The following ADGRB3 variants were observed in gnomAD, a reference collection of about 807,000 sequenced individuals.
The protein encoded by ADGRB3 is adhesion G protein-coupled receptor B3, also known as brain-specific angiogenesis inhibitor 3.
Under a neutral mutation model 193.4 loss-of-function variants are expected in ADGRB3, and 37 were observed. The observed-to-expected ratio is 0.19, with a 90% CI of 0.15 to 0.25. The LOEUF (loss-of-function observed/expected upper bound fraction) is 0.25, where lower values mean the gene tolerates loss of function less well. Among genes scored for constraint, ADGRB3 ranks in the 10% least tolerant of loss-of-function variants. The pLI is 1.00. For synonymous variants in ADGRB3, 690 were observed against 644.2 expected (o/e 1.07, Z -1.08); for missense variants, 1,637 against 1,852.9 (o/e 0.88, Z 2.14).
chr6:69,266,899 A>G (rs187152675), intron 20 of ADGRB3, among the ~76,000 whole-genome samples: 16 of 152,210 alleles, frequency 1.1e-4, no homozygotes, highest in Non-Finnish European at 1.9e-4. Flanking sequence ...ATCCTTGGCT[A>G]CAAAGATCAA....
At chr6:69,183,453 A>C (rs58141785) in intron 17 of ADGRB3, among the ~76,000 whole-genome samples, 21,989 of 150,682 alleles carry the variant, frequency 0.15, 1,628 homozygotes, top group Middle Eastern at 0.16. Context: ...TTTTAGGAGA[A>C]CTTCATTCTT....
At chr6:69,014,214 A>G (rs1582394647) in intron 12 of ADGRB3, 108 bp downstream of exon 12, 1 of 766,246 alleles carries the variant, frequency 1.3e-6, no homozygotes, top group East Asian at 2.8e-5. Context: ...TTTTTAAGTC[A>G]GTCTAGGTTA....
chr6:68,751,128 C>T (rs989202940), intron 3 of ADGRB3, among the ~76,000 whole-genome samples: 5 of 152,206 alleles, frequency 3.3e-5, no homozygotes, highest in Admixed American at 1.3e-4. Flanking sequence ...CCAGGCTCTA[C>T]TACCTAACAG....
chr6:68,877,352 G>A lies in ADGRB3; in HGVS notation c.758-53207G>A, dbSNP rs578052896. Among the ~76,000 whole-genome samples the A allele has an allele frequency of 1.2e-4, 18 of 151,200 alleles. No individual in the cohort carries two copies. The South Asian group carries it at 3.4e-3, about 28-fold the overall frequency. Reference sequence around the variant, plus strand: ...ACCATTTAGAAAAACAAGATGAATAGTGTATATGTTCAAAATAAAGAATTT... The same window carrying A: ...ACCATTTAGAAAAACAAGATGAATAATGTATATGTTCAAAATAAAGAATTT... On this transcript the variant is annotated intron_variant, in intron 3 of 31. Transcript: ENST00000370598.
chr6:69,105,475 G>T (rs1773179989), intron 17 of ADGRB3, among the ~76,000 whole-genome samples: 1 of 152,100 alleles, frequency 6.6e-6, no homozygotes, highest in Non-Finnish European at 1.5e-5. Context: ...TACTGTCAGT[G>T]TGAGTTCCTC....
intron 3 of ADGRB3, among the ~76,000 whole-genome samples, chr6:68,772,882 CAAA>C (rs763967322): frequency 2.8e-3 from 68 of 23,900 alleles, no homozygotes; most frequent in East Asian, 5.4e-3. Context: ...AACAAACAAA[CAAA>C]AAAAAAAAAA....
At chr6:69,126,531 G>A (rs1361807905) in intron 17 of ADGRB3, among the ~76,000 whole-genome samples, 1 of 152,152 alleles carries the variant, frequency 6.6e-6, no homozygotes, top group East Asian at 1.9e-4. Flanking sequence ...ATATCTGAGG[G>A]CAAGAGAAGA....
intron 3 of ADGRB3, among the ~76,000 whole-genome samples, chr6:68,731,527 A>G (rs1348673214): frequency 2.0e-5 from 3 of 151,616 alleles, no homozygotes; most frequent in African/African-American, 7.2e-5. Context: ...TAGAATATAA[A>G]TGTTTTCAAA....
At chr6:69,279,039 T>C (rs896910092) in intron 20 of ADGRB3, among the ~76,000 whole-genome samples, 3 of 140,152 alleles carry the variant, frequency 2.1e-5, no homozygotes, top group Non-Finnish European at 4.6e-5. Flanking sequence ...TCTCACTTCC[T>C]CAACACCTCA....
intron 23 of ADGRB3, chr6:69,331,884 G>A: frequency 1.0e-6 from 1 of 985,100 alleles, no homozygotes; most frequent in Non-Finnish European, 1.2e-6. Flanking sequence ...AGATGAATAA[G>A]TATTCTCTTG....
chr6:69,203,256 A>G (rs1335127635), intron 17 of ADGRB3, among the ~76,000 whole-genome samples: 1 of 152,180 alleles, frequency 6.6e-6, no homozygotes, highest in Non-Finnish European at 1.5e-5. Flanking sequence ...ACATCAGATC[A>G]TTACTGTGGT....
At chr6:69,073,496 A>G (rs1772138562) in intron 16 of ADGRB3, among the ~76,000 whole-genome samples, 1 of 152,142 alleles carries the variant, frequency 6.6e-6, no homozygotes, top group South Asian at 2.1e-4. Flanking sequence ...ATTTACTGGG[A>G]AAAGAGGGGA....
chr6:68,859,994 A>G (rs1368020831), intron 3 of ADGRB3, among the ~76,000 whole-genome samples: 1 of 152,194 alleles, frequency 6.6e-6, no homozygotes, highest in Non-Finnish European at 1.5e-5. Context: ...TAGTAACTAT[A>G]GGTATTTTAT....
chr6:68,659,720 A>G (rs60256757), intron 3 of ADGRB3, among the ~76,000 whole-genome samples: 8,608 of 151,146 alleles, frequency 0.057, 778 homozygotes, highest in African/African-American at 0.2. Context: ...GATTAAAAAT[A>G]TTCTAGCATT....
At chr6:69,190,567 A>T (rs1287729183) in intron 17 of ADGRB3, among the ~76,000 whole-genome samples, 1 of 152,136 alleles carries the variant, frequency 6.6e-6, no homozygotes, top group African/African-American at 2.4e-5. Context: ...ACTATGTAAC[A>T]AAGTAAGGTT....
intron 17 of ADGRB3, among the ~76,000 whole-genome samples, chr6:69,141,132 G>A (rs200091832): frequency 3.2e-5 from 4 of 123,596 alleles, no homozygotes; most frequent in African/African-American, 5.9e-5. Context: ...TTTTTTTGGG[G>A]GGGGCGGTGG....
In ADGRB3 at chr6:69,239,218, C is replaced by T; in HGVS notation, c.2806C>T (p.His936Tyr). Residue 936 changes from histidine to tyrosine, a missense_variant, in exon 20 of 32, where the codon CAT becomes TAT. This residue lies in a region of ADGRB3 where 87 missense variants were observed against 161.0 expected (regional missense o/e 0.54). Transcript: ENST00000370598. ...CATACTGGTTGGACAGACTCAGACA[C>T]ATAATAAGGTATGACTGGTAATTAT... is the stretch of plus-strand genomic sequence containing the variant. ...ILILVGQTQT[H>Y]NKSICTTTTA... The T allele has an allele frequency of 2.6e-6, 4 of 1,554,728 alleles. No homozygotes were observed. The highest frequency in any genetic ancestry group is 3.5e-6 in the Non-Finnish European group (4 of 1,129,982).
chr6:69,113,357 G>A (rs1489082783), intron 17 of ADGRB3, among the ~76,000 whole-genome samples: 1 of 151,074 alleles, frequency 6.6e-6, no homozygotes, highest in Non-Finnish European at 1.5e-5. Context: ...ATGTGTATAT[G>A]TATCATATAT....
In ADGRB3 at chr6:69,065,758, T is replaced by TAC. The variant is rs1491430136; in HGVS notation, c.2436+2723_2436+2724insCA. On this transcript the variant is annotated intron_variant, in intron 16 of 31. Coordinates refer to ENST00000370598, the MANE Select transcript of ADGRB3 (RefSeq NM_001704.3). ...TTAGAACAAGCCTGAACTTCATGTATATATATACACACACACACACACACA... is the reference window on the plus strand; with the variant it reads ...TTAGAACAAGCCTGAACTTCATGTATACATATATACACACACACACACACACA... Among the ~76,000 whole-genome samples the TAC allele has an allele frequency of 2.8e-3, 287 of 102,808 alleles. 1 individual carries two copies. The highest frequency in any genetic ancestry group is 7.9e-3 in the African/African-American group (190 of 24,128). 67.4% of individuals were successfully genotyped at this position (102,808 alleles called of 152,430 possible).
Sources: allele counts gnomAD v4.1 joint callset (sites outside exome capture counted in the v4.1 genomes callset), GRCh38; gene constraint gnomAD v4.1.1; regional missense constraint gnomAD v4.1.1; transcripts MANE v1.5; gene names NCBI Gene and HGNC (gene_info 2026-07-23, HGNC 2026-07-21).